Variants in LRRC9 observed in about 807,000 individuals in gnomAD.
The protein encoded by LRRC9 is leucine rich repeat containing 9.
A neutral mutation model predicts 63.2 loss-of-function variants in LRRC9; 122 were observed. The ratio of observed to expected loss-of-function variants is 1.93; its 90% CI spans 1.67 to 2.24. The LOEUF (loss-of-function observed/expected upper bound fraction) is 2.24. Among genes scored for constraint, LRRC9 ranks in the 30% most tolerant of loss-of-function variants. The probability of loss-of-function intolerance (pLI) is 0.00; values close to 1 mark genes in which losing one functional copy is unlikely to be tolerated. For missense variants in LRRC9, 1,071 were observed against 627.7 expected (o/e 1.71, Z -7.55); for synonymous variants, 366 against 213.1 (o/e 1.72, Z -6.25).
chr14:60,024,203 T>TC (rs1269124198), intron 27 of LRRC9, among the ~76,000 whole-genome samples: 4 of 152,152 alleles, frequency 2.6e-5, no homozygotes, highest in Admixed American at 2.0e-4. Flanking sequence ...TGGTTCTAGA[T>TC]CCTTGAGGAA....
At chr14:59,980,473 T>C (rs1052492542) in intron 15 of LRRC9, among the ~76,000 whole-genome samples, 3 of 152,180 alleles carry the variant, frequency 2.0e-5, no homozygotes, top group African/African-American at 7.2e-5. Context: ...TTGACTATTC[T>C]TAAACAGTAT....
intron 28 of LRRC9, among the ~76,000 whole-genome samples, chr14:60,028,443 C>T (rs374242718): frequency 1.2e-4 from 18 of 152,040 alleles, no homozygotes; most frequent in East Asian, 1.2e-3. Flanking sequence ...CTTCCTTTGG[C>T]CCCTTAAACT....
intron 13 of LRRC9, among the ~76,000 whole-genome samples, chr14:59,976,253 G>A (rs219325): frequency 6.6e-6 from 1 of 151,980 alleles, no homozygotes; most frequent in African/African-American, 2.4e-5. Flanking sequence ...TAGAAATAAA[G>A]TACACAATAA....
intron 10 of LRRC9, among the ~76,000 whole-genome samples, chr14:59,963,404 A>G (rs1884537613): frequency 6.6e-6 from 1 of 152,140 alleles, no homozygotes; most frequent in Admixed American, 6.6e-5. Context: ...TGAGTTACCC[A>G]TTGACATCAT....
chr14:59,920,220 T>A (rs756297399), intron 1 of LRRC9: 5 of 152,304 alleles, frequency 3.3e-5, no homozygotes, highest in Non-Finnish European at 7.3e-5. Context: ...GAAATCGGAG[T>A]GGACTCGGAC....
At chr14:60,011,903 C>T (rs1890288494) in intron 23 of LRRC9, among the ~76,000 whole-genome samples, 1 of 152,154 alleles carries the variant, frequency 6.6e-6, no homozygotes, top group African/African-American at 2.4e-5. Flanking sequence ...AGATGTCAAG[C>T]AGGCAGCTGA....
chr14:59,946,825 A>T (rs1166922752), intron 8 of LRRC9, among the ~76,000 whole-genome samples: 1 of 141,936 alleles, frequency 7.0e-6, no homozygotes, highest in Non-Finnish European at 1.5e-5. Flanking sequence ...GTCCCTACAA[A>T]GGACATGAAC....
In LRRC9 at chr14:60,008,073, T is replaced by C. The variant is rs1036179726; in HGVS notation, c.3064-19T>C. 6.0e-6 allele frequency: 4 copies of C among 663,592 alleles called. No homozygotes were observed. Among genetic ancestry groups the C allele is most frequent in the Non-Finnish European group, 8.2e-6 (3 of 367,756 alleles). The allele number at this position is 663,592 out of a possible 1,614,324, so 41.1% of individuals were successfully genotyped here. A position where few individuals can be genotyped will look rare whatever the true frequency, so the allele number is the denominator to read the frequency against. On this transcript the variant is annotated intron_variant, in intron 22 of 31. Transcript: ENST00000445360. Reference sequence around the variant, plus strand: ...CTTTAAATATACATATAGATGAATATATGTATTTTATTACCTAGGGTTTAT... The same window carrying C: ...CTTTAAATATACATATAGATGAATACATGTATTTTATTACCTAGGGTTTAT...
intron 8 of LRRC9, among the ~76,000 whole-genome samples, chr14:59,945,278 C>T (rs965878594): frequency 1.3e-5 from 2 of 151,674 alleles, no homozygotes; most frequent in African/African-American, 4.8e-5. Context: ...TAAAAGTAGA[C>T]CCTGAAAAAG....
intron 23 of LRRC9, among the ~76,000 whole-genome samples, chr14:60,011,932 G>A (rs1365182792): frequency 6.6e-6 from 1 of 152,174 alleles, no homozygotes; most frequent in Non-Finnish European, 1.5e-5. Context: ...GATTAAATAT[G>A]CATATGAAAA....
chr14:59,960,721 G>A (rs1884264828), intron 9 of LRRC9, among the ~76,000 whole-genome samples, 193 bp from the exon 10 acceptor site: 1 of 152,126 alleles, frequency 6.6e-6, no homozygotes, highest in Non-Finnish European at 1.5e-5. Context: ...TCTGAGAGCA[G>A]CAAAATTAAA....
intron 29 of LRRC9, among the ~76,000 whole-genome samples, chr14:60,040,703 C>A (rs1487430093): frequency 6.6e-6 from 1 of 151,860 alleles, no homozygotes; most frequent in Non-Finnish European, 1.5e-5. Context: ...TGGGTCTTAA[C>A]TCTTTATCCA....
chr14:60,026,770 G>A (rs1891588327), intron 27 of LRRC9, among the ~76,000 whole-genome samples: 1 of 152,004 alleles, frequency 6.6e-6, no homozygotes, highest in Admixed American at 6.6e-5. Context: ...TTTCCCCAAT[G>A]TGTGTTCTTA....
At chr14:59,982,180 T>G (rs1016775989) in intron 16 of LRRC9, 120 bp downstream of exon 16, 3 of 586,634 alleles carry the variant, frequency 5.1e-6, no homozygotes, top group Non-Finnish European at 9.0e-6. Context: ...CAATGCTACC[T>G]AAAGCGTCCA....
At chr14:60,013,225 TATAGAA>T (rs1330330297) in intron 23 of LRRC9, among the ~76,000 whole-genome samples, 3 of 151,820 alleles carry the variant, frequency 2.0e-5, no homozygotes, top group Non-Finnish European at 4.4e-5. Flanking sequence ...TATGTCTATA[TATAGAA>T]ATATAGATAT....
intron 10 of LRRC9, among the ~76,000 whole-genome samples, chr14:59,961,912 G>A (rs1368750638): frequency 2.0e-5 from 3 of 152,136 alleles, no homozygotes; most frequent in African/African-American, 7.2e-5. Flanking sequence ...AATACACCAG[G>A]AGACATGTCA....
At chr14:60,037,788 A>G (rs759853516) in intron 29 of LRRC9, among the ~76,000 whole-genome samples, 2 of 152,054 alleles carry the variant, frequency 1.3e-5, no homozygotes, top group Admixed American at 6.5e-5. Context: ...CCATTTGTCA[A>G]TTTTGGCTTT....
In LRRC9 at chr14:60,052,398, T is replaced by C. The variant is rs75689815; in HGVS notation, c.3991-667T>C. 3.9e-5 allele frequency among the ~76,000 whole-genome samples: 6 copies of C among 152,310 alleles called. No homozygotes were observed. In the East Asian group the frequency reaches 9.7e-4, roughly 25 times the overall value. On this transcript the variant is annotated intron_variant, in intron 29 of 31. Coordinates refer to ENST00000445360, the Ensembl canonical transcript of LRRC9. ...AGCCCAGTAGAGACTCAGCATTCAATGATTTTTTTGGGGGATGGTTACATA... is the reference window on the plus strand; with the variant it reads ...AGCCCAGTAGAGACTCAGCATTCAACGATTTTTTTGGGGGATGGTTACATA...
chr14:59,957,743 T>C (rs1005116434), intron 8 of LRRC9, among the ~76,000 whole-genome samples: 3 of 152,220 alleles, frequency 2.0e-5, no homozygotes, highest in Non-Finnish European at 4.4e-5. Flanking sequence ...GTTTTTGTGC[T>C]GGTTTTTCCT....
Sources: allele counts gnomAD v4.1 joint callset (sites outside exome capture counted in the v4.1 genomes callset), GRCh38; gene constraint gnomAD v4.1.1; transcripts MANE v1.5; gene names NCBI Gene and HGNC (gene_info 2026-07-23, HGNC 2026-07-21).